DZIP1L: variants seen among roughly 807,000 people sequenced by gnomAD.
DZIP1L encodes DAZ interacting zinc finger protein 1 like.
In DZIP1L, 90 loss-of-function variants were observed where a neutral mutation model predicts 88.7. That is an observed-to-expected ratio of 1.02 (90% CI 0.86 to 1.21). The LOEUF (loss-of-function observed/expected upper bound fraction) is 1.21. Among genes scored for constraint, DZIP1L ranks in the 50% most tolerant of loss-of-function variants. The probability of loss-of-function intolerance (pLI) is 0.00; values close to 1 mark genes in which losing one functional copy is unlikely to be tolerated. For missense variants in DZIP1L, 932 were observed against 955.8 expected, an observed-to-expected ratio of 0.98 and a Z score of 0.33; for synonymous variants, 363 against 372.1, an observed-to-expected ratio of 0.98 and a Z score of 0.28.
intron 12 of DZIP1L, chr3:138,069,134 G>T: frequency 1.4e-6 from 1 of 704,300 alleles, no homozygotes; most frequent in Non-Finnish European, 2.5e-6. Context: ...GACAGCAAGA[G>T]CAACCCCTCC....
chr3:138,065,106 C>T (rs1290950818), intron 14 of DZIP1L, among the ~76,000 whole-genome samples: 5 of 152,186 alleles, frequency 3.3e-5, no homozygotes, highest in Non-Finnish European at 4.4e-5. Context: ...GCAGTTAGTT[C>T]CTCAACATCT....
At chr3:138,082,139 C>G (rs1041760446) in intron 8 of DZIP1L, among the ~76,000 whole-genome samples, 1 of 152,208 alleles carries the variant, frequency 6.6e-6, no homozygotes, top group Non-Finnish European at 1.5e-5. Context: ...ACAATGCGGG[C>G]GTCTGAGCAG....
intron 6 of DZIP1L, 109 bp downstream of exon 6, chr3:138,088,270 G>C (rs909378784): frequency 2.7e-5 from 38 of 1,399,114 alleles, no homozygotes; most frequent in Middle Eastern, 2.3e-4. Flanking sequence ...TGAAAATATA[G>C]AACTTTGATG....
intron 9 of DZIP1L, 132 bp from the exon 10 acceptor site, chr3:138,080,752 A>G (rs1324753315): frequency 1.2e-6 from 1 of 818,474 alleles, no homozygotes; most frequent in Admixed American, 2.4e-5. Flanking sequence ...TTGACTGGAG[A>G]GAGGCAGGAC....
intron 3 of DZIP1L, among the ~76,000 whole-genome samples, chr3:138,097,201 A>T (rs1479837282): frequency 6.6e-6 from 1 of 152,030 alleles, no homozygotes; most frequent in African/African-American, 2.4e-5. Flanking sequence ...AAAAGAAAAG[A>T]AAAGAAAAGT....
chr3:138,111,903 G>C (rs899939478), intron 1 of DZIP1L, among the ~76,000 whole-genome samples: 2 of 152,038 alleles, frequency 1.3e-5, no homozygotes, highest in African/African-American at 4.8e-5. Flanking sequence ...GCTGAAGCAG[G>C]AGAACTGCTT....
chr3:138,062,867 C>T lies in DZIP1L; in HGVS notation c.2253G>A (p.Lys751=). The T allele has an allele frequency of 1.2e-6, 2 of 1,614,212 alleles. No homozygotes were observed. Among genetic ancestry groups the T allele is most frequent in the Non-Finnish European group, 1.7e-6 (2 of 1,180,050 alleles). Residue 751 remains lysine (K), a synonymous_variant, in exon 16 of 16, where the codon AAG becomes AAA. Transcript: ENST00000327532. ...CAGAGCTCTGTGGACCAGTGCCAAA[C>T]TTCTCTGGGAGCTTTGAGCGAGACA... ...KPLSRSKLPE[K]FGTGPQSSGQ...
At chr3:138,066,715 C>T (rs988992993) in intron 14 of DZIP1L, among the ~76,000 whole-genome samples, 2 of 152,060 alleles carry the variant, frequency 1.3e-5, no homozygotes, top group Non-Finnish European at 2.9e-5. Flanking sequence ...CCTTCTCTCA[C>T]ACGCCTCGAG....
At chr3:138,071,558 A>G (rs1943179851) in intron 12 of DZIP1L, 85 bp downstream of exon 12, 3 of 1,472,032 alleles carry the variant, frequency 2.0e-6, no homozygotes, top group Admixed American at 4.3e-5. Context: ...GACAGAGACT[A>G]TACCCTCCTC....
chr3:138,081,450 C>A (rs1292198885), intron 9 of DZIP1L, among the ~76,000 whole-genome samples: 9 of 152,162 alleles, frequency 5.9e-5, no homozygotes, highest in African/African-American at 2.2e-4. Flanking sequence ...ATTAGAAAAG[C>A]CTTCTCATGA....
At chr3:138,066,644 G>C (rs887181493) in intron 14 of DZIP1L, among the ~76,000 whole-genome samples, 2 of 151,994 alleles carry the variant, frequency 1.3e-5, no homozygotes, top group African/African-American at 4.8e-5. Context: ...CTTGTGCGAA[G>C]AGATCCACAC....
chr3:138,103,751 C>T lies in DZIP1L; in HGVS notation c.221G>A (p.Arg74His), dbSNP rs773821499. The stretch of plus-strand genomic sequence containing the variant: ...TGCCGGGTCCACAGGCTGCCCACAG[C>T]GGCTGCACACCTCCCGGTCCAAGTT... ...FCNLDREVCS[R>H]CGQPVDPALL... Residue 74 changes from arginine to histidine, a missense_variant, in exon 2 of 16, where the codon CGC (arginine) becomes CAC (histidine). Coordinates refer to ENST00000327532, the MANE Select transcript of DZIP1L (RefSeq NM_173543.3). 8.1e-6 allele frequency: 13 copies of T among 1,613,802 alleles called. No homozygotes were observed. The highest frequency in any genetic ancestry group is 2.7e-5 in the African/African-American group (2 of 74,944).
intron 1 of DZIP1L, among the ~76,000 whole-genome samples, chr3:138,108,890 T>A (rs1248421083): frequency 6.6e-6 from 1 of 152,176 alleles, no homozygotes; most frequent in Non-Finnish European, 1.5e-5. Flanking sequence ...CAAAGTGTGG[T>A]CTCTGGACCA....
In DZIP1L at chr3:138,068,262, C is replaced by G. The variant is rs772686379; in HGVS notation, c.1721G>C (p.Arg574Pro). ...GGAGCCATGGCTGCCATGGCTCTGA[C>G]GAGTTGGTGGGGGTGGCTCTGCCGG... ...STPAEPPPPT[R>P]QSHGSHGSSL... Residue 574 changes from arginine (R) to proline (P), a missense_variant, in exon 13 of 16, where the codon CGT becomes CCT. Physicochemically the swap from Arg to Pro is moderately radical, Grantham distance 103. Coordinates refer to ENST00000327532, the MANE Select transcript of DZIP1L (RefSeq NM_173543.3). 3 of 1,598,038 alleles carry G rather than the reference C, an allele frequency of 1.9e-6. No homozygotes were observed. The highest frequency in any genetic ancestry group is 1.3e-5 in the African/African-American group (1 of 74,520).
Position 138,063,091 on chromosome 3 carries a change from T to G in DZIP1L, c.2143-114A>C. 1 of 1,200,844 alleles carries G rather than the reference T, an allele frequency of 8.3e-7. No individual in the cohort carries two copies. Among genetic ancestry groups the G allele is most frequent in the South Asian group, 1.4e-5 (1 of 69,980 alleles). 74.4% of individuals were successfully genotyped at this position (1,200,844 alleles called of 1,614,324 possible). A position where few individuals can be genotyped will look rare whatever the true frequency, so the allele number is the denominator to read the frequency against. ...AATGGAAATGGGGACAAATGCAGAC[T>G]GGGAAGAAAGCAATAGGGAGATGCT... On this transcript the variant is annotated intron_variant, in intron 15 of 15. Transcript: ENST00000327532. This position sits in a 1 kb window ranked among gnomAD's most constrained non-coding sequence, Gnocchi z 4.1.
chr3:138,071,932 T>G lies in DZIP1L; in HGVS notation c.1423-97A>C, dbSNP rs191367964. 10 of 1,208,958 alleles carry G rather than the reference T, an allele frequency of 8.3e-6. No homozygotes were observed. In the East Asian group the frequency reaches 2.0e-4, roughly 24 times the overall value. 74.9% of individuals were successfully genotyped at this position (1,208,958 alleles called of 1,614,324 possible). A position where few individuals can be genotyped will look rare whatever the true frequency, so the allele number is the denominator to read the frequency against. ...CTGCTGCTGCTGGCCTGGGAGTCTGTGATCAGTGCCTGGTGCTTTTCTTGC... is the reference window on the plus strand; with the variant it reads ...CTGCTGCTGCTGGCCTGGGAGTCTGGGATCAGTGCCTGGTGCTTTTCTTGC... On this transcript the variant is annotated intron_variant, in intron 11 of 15. Coordinates refer to ENST00000327532, the MANE Select transcript of DZIP1L (RefSeq NM_173543.3).
rs1942756578 is a variant in DZIP1L, at chr3:138,062,921, G to T, written c.2199C>A (p.Asp733Glu). ...EISSLEDLPL[D>E]LDQREKPKPL... ...GCTTGGGTTTCTCTCTCTGGTCCAG[G>T]TCCAGAGGAAGATCTTCCAAGGAGG... Residue 733 changes from aspartate to glutamate, a missense_variant, in exon 16 of 16, where the codon GAC (aspartate) becomes GAA (glutamate). By Grantham distance (45) the Asp-to-Glu change is conservative (BLOSUM62 2). Coordinates refer to ENST00000327532, the MANE Select transcript of DZIP1L (RefSeq NM_173543.3). The T allele has an allele frequency of 1.9e-6, 3 of 1,614,188 alleles. No individual in the cohort carries two copies. The highest frequency in any genetic ancestry group is 2.5e-6 in the Non-Finnish European group (3 of 1,180,032).
chr3:138,075,872 T>G (rs1943381221), intron 11 of DZIP1L, among the ~76,000 whole-genome samples: 1 of 151,494 alleles, frequency 6.6e-6, no homozygotes, highest in South Asian at 2.1e-4. Flanking sequence ...GGCAGGAAAA[T>G]CCCTTGAACC....
In DZIP1L at chr3:138,083,122, G is replaced by C. The variant is rs1107423; in HGVS notation, c.1203+991C>G. On this transcript the variant is annotated intron_variant, in intron 8 of 15. Coordinates refer to ENST00000327532, the MANE Select transcript of DZIP1L (RefSeq NM_173543.3). ...TCCTAACTGAATCATTTGCAAATAAGAGTTCTGAGTAACATACAGGACATT... is the reference window on the plus strand; with the variant it reads ...TCCTAACTGAATCATTTGCAAATAACAGTTCTGAGTAACATACAGGACATT... Among the ~76,000 whole-genome samples the C allele has an allele frequency of 8.2e-3, 1,250 of 152,288 alleles. 18 individuals carry two copies. Among genetic ancestry groups the C allele is most frequent in the African/African-American group, 0.029 (1,211 of 41,546 alleles).
Sources: gnomAD v4.1 joint callset for allele counts (sites outside exome capture counted in the v4.1 genomes callset) on GRCh38, gnomAD v4.1.1 for gene constraint, Gnocchi (gnomAD v3.1) non-coding constraint, MANE v1.5 for transcripts, NCBI Gene and HGNC (gene_info 2026-07-23, HGNC 2026-07-21) for gene names.